The following RTKN2 variants were observed in gnomAD, a reference collection of about 807,000 sequenced individuals.
RTKN2 encodes rhotekin 2.
A neutral mutation model predicts 71.5 loss-of-function variants in RTKN2; 69 were observed. That is an observed-to-expected ratio of 0.96 (90% CI 0.79 to 1.18). RTKN2 has a LOEUF of 1.18. Ranked by LOEUF, RTKN2 falls within the 50% of genes most tolerant of loss-of-function variation. The pLI is 0.00. For synonymous variants in RTKN2, 236 were observed against 236.5 expected (o/e 1.00, Z 0.02); for missense variants, 724 against 719.7 (o/e 1.01, Z -0.07).
At chr10:62,217,393 A>G (rs2132885688) in intron 8 of RTKN2, 144 bp from the exon 9 acceptor site, 1 of 606,802 alleles carries the variant, frequency 1.6e-6, no homozygotes, top group East Asian at 3.1e-5. Flanking sequence ...GATATACAAA[A>G]GGTTAATTGC....
intron 2 of RTKN2, chr10:62,259,148 A>G (rs1347637690): frequency 1.1e-5 from 5 of 448,540 alleles, no homozygotes. Context: ...TATAAAGGGC[A>G]GTTCCCCTGC....
rs766604571 is a variant in RTKN2, at chr10:62,205,074, A to T, written c.1021-52T>A. 3 of 1,395,570 alleles carry T rather than the reference A, an allele frequency of 2.1e-6. No individual in the cohort carries two copies. In the African/African-American group the frequency reaches 4.5e-5, roughly 21 times the overall value. The allele number at this position is 1,395,570 out of a possible 1,614,324, so 86.4% of individuals were successfully genotyped here. On this transcript the variant is annotated intron_variant, in intron 9 of 11. Coordinates refer to ENST00000373789, the MANE Select transcript of RTKN2 (RefSeq NM_145307.4). ...TTTGCATGAGAAAATTTCTGTAATG[A>T]TCAAACAAATGTTTTATTGCTTAGC...
At chr10:62,249,364 G>A (rs1425219830) in intron 2 of RTKN2, among the ~76,000 whole-genome samples, 1 of 148,094 alleles carries the variant, frequency 6.8e-6, no homozygotes, top group Non-Finnish European at 1.5e-5. Context: ...GAACTGGGTT[G>A]AGCAGGGGTT....
chr10:62,190,793 G>A (rs114371731), downstream of RTKN2, among the ~76,000 whole-genome samples: 2,651 of 152,180 alleles, frequency 0.017, 82 homozygotes, highest in African/African-American at 0.061. Flanking sequence ...AGCTTAACCC[G>A]TCTTACTTTC....
At chr10:62,224,977 AGTGG>A (rs1247904564) in intron 6 of RTKN2, among the ~76,000 whole-genome samples, 2 of 152,200 alleles carry the variant, frequency 1.3e-5, no homozygotes, top group Non-Finnish European at 2.9e-5. Context: ...GTTGATAAAA[AGTGG>A]AATGATAGGG....
Position 62,268,740 on chromosome 10 carries a change from C to G in RTKN2, c.-130G>C. 1 of 956,644 alleles carries G rather than the reference C, an allele frequency of 1.0e-6. No homozygotes were observed. Among genetic ancestry groups the G allele is most frequent in the African/African-American group, 1.7e-5 (1 of 58,578 alleles). The allele number at this position is 956,644 out of a possible 1,614,324, so 59.3% of individuals were successfully genotyped here. ...AAGTCCCAGTCGCAGGGGCCGGGGG[C>G]GCAGGAGGAGCCGGGCCGAAGCGCA... On this transcript the variant is annotated 5_prime_UTR_variant, in exon 1 of 12. Coordinates refer to ENST00000373789, the MANE Select transcript of RTKN2 (RefSeq NM_145307.4).
At chr10:62,192,106 C>A (rs1460821578), downstream of RTKN2, among the ~76,000 whole-genome samples, 1 of 151,274 alleles carries the variant, frequency 6.6e-6, no homozygotes, top group Non-Finnish European at 1.5e-5. Context: ...AAAAAAAAGC[C>A]CCAAATCATA....
chr10:62,255,464 G>T (rs964444809), intron 2 of RTKN2, among the ~76,000 whole-genome samples: 3 of 152,136 alleles, frequency 2.0e-5, no homozygotes, highest in Admixed American at 2.0e-4. Context: ...GACTATAAAT[G>T]ATAATAAAAC....
At chr10:62,187,555 TGCAAAAGA>T (rs1258487290) in intron 8 of RTKN2, among the ~76,000 whole-genome samples, 2 of 152,200 alleles carry the variant, frequency 1.3e-5, no homozygotes, top group African/African-American at 2.4e-5. Context: ...ACCCTCCCCT[TGCAAAAGA>T]GCTGCTAGGC....
downstream of RTKN2, among the ~76,000 whole-genome samples, chr10:62,192,792 A>G (rs1841243617): frequency 6.6e-6 from 1 of 152,192 alleles, no homozygotes. Context: ...AGTACCTAGT[A>G]GGGCATGGCA....
intron 2 of RTKN2, among the ~76,000 whole-genome samples, chr10:62,261,238 G>A (rs941817109): frequency 3.3e-5 from 5 of 152,188 alleles, no homozygotes; most frequent in Admixed American, 1.3e-4. Flanking sequence ...TGAGTACTAA[G>A]TATGTAAAAG....
At chr10:62,187,275 C>CAAAAA (rs1446672757) in intron 8 of RTKN2, among the ~76,000 whole-genome samples, 1 of 144,762 alleles carries the variant, frequency 6.9e-6, no homozygotes, top group Non-Finnish European at 1.5e-5. Flanking sequence ...CATCACAAAT[C>CAAAAA]ACAAAAAAAA....
At chr10:62,205,423 A>G (rs992120430) in intron 9 of RTKN2, among the ~76,000 whole-genome samples, 3 of 152,170 alleles carry the variant, frequency 2.0e-5, no homozygotes, top group Non-Finnish European at 4.4e-5. Context: ...CCATATTTCA[A>G]ATTAATAAAA....
downstream of RTKN2, among the ~76,000 whole-genome samples, chr10:62,189,058 CTTT>C (rs34303718): frequency 5.2e-5 from 7 of 135,602 alleles, no homozygotes; most frequent in Admixed American, 2.2e-4. Flanking sequence ...ATATTTCCTA[CTTT>C]TTTTTTTTTT....
intron 7 of RTKN2, among the ~76,000 whole-genome samples, chr10:62,220,115 T>TA (rs1841873323): frequency 6.6e-6 from 1 of 152,182 alleles, no homozygotes; most frequent in Non-Finnish European, 1.5e-5. Flanking sequence ...AGAATTTTTT[T>TA]TGTAAAAATA....
intron 6 of RTKN2, among the ~76,000 whole-genome samples, chr10:62,226,830 T>G (rs536366171): frequency 6.6e-6 from 1 of 152,336 alleles, no homozygotes; most frequent in Non-Finnish European, 1.5e-5. Context: ...GCATGGTGGC[T>G]CACGCCTATA....
Position 62,196,419 on chromosome 10 carries a change from A to C in RTKN2, c.*1489T>G. ...CTTTTGTTATCATTACTCCCTCAAGATTCAATTCTTACTAGGAGTCCTGGG... is the reference window on the plus strand; with the variant it reads ...CTTTTGTTATCATTACTCCCTCAAGCTTCAATTCTTACTAGGAGTCCTGGG... On this transcript the variant is annotated 3_prime_UTR_variant, in exon 12 of 12. Coordinates refer to ENST00000373789, the MANE Select transcript of RTKN2 (RefSeq NM_145307.4). 1 of 985,358 alleles carries C rather than the reference A, an allele frequency of 1.0e-6. No individual in the cohort carries two copies. Among genetic ancestry groups the C allele is most frequent in the Non-Finnish European group, 1.2e-6 (1 of 829,882 alleles). 61.0% of individuals were successfully genotyped at this position (985,358 alleles called of 1,614,324 possible).
intron 6 of RTKN2, among the ~76,000 whole-genome samples, chr10:62,229,179 T>C (rs1193764151): frequency 6.6e-6 from 1 of 152,182 alleles, no homozygotes; most frequent in Non-Finnish European, 1.5e-5. Flanking sequence ...AGAAGAGAGA[T>C]GCTAGGAAAG....
At chr10:62,239,058 ATAAAAT>A (rs1328145299) in intron 5 of RTKN2, 1 of 152,042 alleles carries the variant, frequency 6.6e-6, no homozygotes, top group Middle Eastern at 3.2e-3. Context: ...TATGACCACA[ATAAAAT>A]GAGCCTGTAA....
Sources: gnomAD v4.1 joint callset for allele counts (sites outside exome capture counted in the v4.1 genomes callset) on GRCh38, gnomAD v4.1.1 for gene constraint, MANE v1.5 for transcripts, NCBI Gene and HGNC (gene_info 2026-07-23, HGNC 2026-07-21) for gene names.